MATR3: variants seen among roughly 807,000 people sequenced by gnomAD.
MATR3 encodes matrin-3.
MATR3 carries 4 observed loss-of-function variants against 85.5 expected under a neutral mutation model. The observed-to-expected ratio is 0.05, with a 90% CI of 0.02 to 0.11. The LOEUF is 0.11. MATR3 is among the 10% of genes least tolerant of loss of function. The pLI is 1.00. For synonymous variants in MATR3, 336 were observed against 343.1 expected (o/e 0.98, Z 0.23); for missense variants, 685 against 1,016.1 (o/e 0.67, Z 4.43).
intron 14 of MATR3, 78 bp downstream of exon 14, chr5:139,326,362 T>G: frequency 2.2e-6 from 3 of 1,376,698 alleles, no homozygotes; most frequent in South Asian, 1.2e-5. Context: ...AAGTAAAATG[T>G]GTATAGTGTT....
chr5:139,319,561 A>G (rs778884931), intron 9 of MATR3, 60 bp downstream of exon 9: 49 of 1,477,744 alleles, frequency 3.3e-5, no homozygotes, highest in Middle Eastern at 2.4e-4. Context: ...AGATTTTTCA[A>G]TATGGAGCTG....
Position 139,308,418 on chromosome 5 carries a change from A to G in MATR3, c.912+91A>G, listed in dbSNP as rs185079909. On this transcript the variant is annotated intron_variant, in intron 2 of 14. Coordinates refer to ENST00000394805, the MANE Select transcript of MATR3 (RefSeq NM_018834.6). ...GACTCTAATTCTGTAGTCTGATGAC[A>G]TTGAGTTGATCAAGCATTTTTAAAC... is the stretch of plus-strand genomic sequence containing the variant. 17 of 1,459,548 alleles carry G rather than the reference A, an allele frequency of 1.2e-5. No homozygotes were observed. The African/African-American group carries it at 2.4e-4, about 20-fold the overall frequency. The allele number at this position is 1,459,548 out of a possible 1,614,324, so 90.4% of individuals were successfully genotyped here. A position where few individuals can be genotyped will look rare whatever the true frequency, so the allele number is the denominator to read the frequency against.
intron 6 of MATR3, 65 bp downstream of exon 6, chr5:139,317,170 C>G: frequency 1.4e-6 from 2 of 1,463,542 alleles, no homozygotes; most frequent in African/African-American, 1.4e-5. Flanking sequence ...TGACCTAAAT[C>G]CTTACTAGTT....
chr5:139,295,018 T>C (rs572481605), intron 1 of MATR3: 1 of 152,326 alleles, frequency 6.6e-6, no homozygotes, highest in Admixed American at 6.5e-5. Context: ...CGAGATTTTG[T>C]ATTGGTACTG....
At chr5:139,315,238 G>A (rs963782856) in intron 3 of MATR3, 4 of 211,516 alleles carry the variant, frequency 1.9e-5, no homozygotes, top group African/African-American at 9.6e-5. Context: ...CCCTGCTTAA[G>A]CAGCACACAG....
chr5:139,284,103 A>G (rs903549620), intron 3 of MATR3, among the ~76,000 whole-genome samples: 1 of 152,254 alleles, frequency 6.6e-6, no homozygotes, highest in Non-Finnish European at 1.5e-5. Context: ...AGTTGGTAAT[A>G]ATAACCTCTC....
At chr5:139,305,121 AACT>A (rs1229534078) in intron 1 of MATR3, among the ~76,000 whole-genome samples, 2 of 152,212 alleles carry the variant, frequency 1.3e-5, no homozygotes, top group African/African-American at 4.8e-5. Context: ...AGTATCTTAA[AACT>A]ACTAAGGTGG....
intron 14 of MATR3, among the ~76,000 whole-genome samples, chr5:139,327,573 C>A (rs866895760): frequency 6.6e-6 from 1 of 152,070 alleles, no homozygotes; most frequent in African/African-American, 2.4e-5. Context: ...AGGCATGCGC[C>A]ACCATGCCCA....
At chr5:139,309,224 C>T (rs998384399) in intron 2 of MATR3, among the ~76,000 whole-genome samples, 10 of 151,988 alleles carry the variant, frequency 6.6e-5, no homozygotes, top group African/African-American at 2.4e-4. Context: ...GACTTTTTTT[C>T]CCCCAATATA....
At position 139,330,618 on chromosome 5, in the gene MATR3, GGTTTTTAAAAACCTTATGAATTAA is replaced by G; in HGVS notation, c.*1224_*1247del. Reference sequence around the variant, plus strand: ...CATAACTAAAAGTGAGGCCATTTGTGGTTTTTAAAAACCTTATGAATTAAAAATGCTACAGGTGAACAAACAGAA... The same window carrying G: ...CATAACTAAAAGTGAGGCCATTTGTGAAATGCTACAGGTGAACAAACAGAA... On this transcript the variant is annotated 3_prime_UTR_variant, in exon 15 of 15. Transcript: ENST00000394805. 2.2e-6 allele frequency: 1 copy of G among 453,996 alleles called. No individual in the cohort carries two copies. Among genetic ancestry groups the G allele is most frequent in the Non-Finnish European group, 4.4e-6 (1 of 226,786 alleles). The allele number at this position is 453,996 out of a possible 1,614,324, so 28.1% of individuals were successfully genotyped here.
At chr5:139,285,036 G>A (rs529643983) in intron 3 of MATR3, among the ~76,000 whole-genome samples, 10 of 152,184 alleles carry the variant, frequency 6.6e-5, no homozygotes, top group Admixed American at 4.6e-4. Context: ...CATGTTACTT[G>A]CCCAAAGTCA....
At chr5:139,323,066 AAATCAGAAAATAAATCAGATATG>A (rs1755661105) in intron 12 of MATR3, 99 bp downstream of exon 12, 2 of 1,185,224 alleles carry the variant, frequency 1.7e-6, no homozygotes, top group African/African-American at 3.1e-5. Context: ...TATATGATTT[AAATCAGAAAATAAATCAGATATG>A]AACCAGAATA....
chr5:139,300,054 T>C (rs1176891317), intron 1 of MATR3: 1 of 152,252 alleles, frequency 6.6e-6, no homozygotes, highest in African/African-American at 2.4e-5. Flanking sequence ...ATATAGATAG[T>C]GTATTGTTCT....
At chr5:139,276,257 T>C in intron 2 of MATR3, 1 of 454,906 alleles carries the variant, frequency 2.2e-6, no homozygotes, top group East Asian at 7.0e-5. Context: ...AGCCAATAGC[T>C]GGTTGGCATT....
chr5:139,291,188 G>C (rs1753859499), upstream of MATR3, among the ~76,000 whole-genome samples: 1 of 152,174 alleles, frequency 6.6e-6, no homozygotes, highest in Admixed American at 6.5e-5. Context: ...CACACATTCT[G>C]ATCCCTCTGC....
At chr5:139,277,798 T>A (rs1464141976) in intron 2 of MATR3, among the ~76,000 whole-genome samples, 1 of 150,300 alleles carries the variant, frequency 6.7e-6, no homozygotes, top group Admixed American at 6.7e-5. Flanking sequence ...AGTAATTGTA[T>A]ATGTTATATG....
chr5:139,314,561 G>C, intron 2 of MATR3, 114 bp from the exon 3 acceptor site: 1 of 785,976 alleles, frequency 1.3e-6, no homozygotes, highest in East Asian at 2.7e-5. Flanking sequence ...GAATGGGCAG[G>C]TGTTTGTACA....
chr5:139,318,921 T>C lies in MATR3; in HGVS notation c.1322T>C (p.Met441Thr). ...LNKINEAFIE[M>T]ATTEDAQAAV... The stretch of plus-strand genomic sequence containing the variant: ...GTATAATTTCAGGCATTTATTGAAA[T>C]GGCAACCACAGAGGATGCTCAGGCC... Residue 441 changes from methionine (M) to threonine (T), a missense_variant, in exon 8 of 15, where the codon ATG (methionine) becomes ACG (threonine). Around this residue, in one of 9 missense-constraint regions of MATR3, gnomAD observed 32 missense variants for 88.0 expected, o/e 0.36. Coordinates refer to ENST00000394805, the MANE Select transcript of MATR3 (RefSeq NM_018834.6). 6.2e-7 allele frequency: 1 copy of C among 1,614,226 alleles called. No homozygotes were observed. The highest frequency in any genetic ancestry group is 8.5e-7 in the Non-Finnish European group (1 of 1,180,020).
At chr5:139,310,358 G>A (rs1168561830) in intron 2 of MATR3, 1 of 152,166 alleles carries the variant, frequency 6.6e-6, no homozygotes, top group Non-Finnish European at 1.5e-5. Flanking sequence ...TGGTTTAAAT[G>A]TGTAAATTGG....
Sources: gnomAD v4.1 joint callset for allele counts (sites outside exome capture counted in the v4.1 genomes callset) on GRCh38, gnomAD v4.1.1 for gene constraint, gnomAD v4.1.1 regional missense constraint, MANE v1.5 for transcripts, NCBI Gene and HGNC (gene_info 2026-07-23, HGNC 2026-07-21) for gene names.